PDE1A: variants seen among roughly 807,000 people sequenced by gnomAD.
PDE1A encodes phosphodiesterase 1A, also known as dual specificity calcium/calmodulin-dependent 3',5'-cyclic nucleotide phosphodiesterase 1A.
A neutral mutation model predicts 61.7 loss-of-function variants in PDE1A; 35 were observed. That is an observed-to-expected ratio of 0.57 (90% CI 0.43 to 0.75). The LOEUF (loss-of-function observed/expected upper bound fraction) is 0.75, where lower values mean the gene tolerates loss of function less well. Among genes scored for constraint, PDE1A ranks in the 30% least tolerant of loss-of-function variants. PDE1A has a pLI of 0.00. For synonymous variants in PDE1A, 232 were observed against 213.2 expected (o/e 1.09, Z -0.77); for missense variants, 597 against 630.6 (o/e 0.95, Z 0.57).
chr2:182,641,475 C>G, the PDE1A span, among the ~76,000 whole-genome samples: 3 of 151,928 alleles, frequency 2.0e-5, no homozygotes, highest in Non-Finnish European at 2.9e-5. Context: ...AACATTTTTC[C>G]CAAGAAAGCA....
the PDE1A span, among the ~76,000 whole-genome samples, chr2:182,529,275 T>C: frequency 6.6e-6 from 1 of 152,220 alleles, no homozygotes; most frequent in Non-Finnish European, 1.5e-5. Context: ...ATGTGAGACA[T>C]GGAGTCAAAG....
intron 1 of PDE1A, among the ~76,000 whole-genome samples, chr2:182,385,877 C>T (rs1701037346): frequency 6.7e-6 from 1 of 149,806 alleles, no homozygotes; most frequent in Admixed American, 6.7e-5. Context: ...CTCTCCGTCT[C>T]CCTCTCTCTC....
intron 1 of PDE1A, among the ~76,000 whole-genome samples, chr2:182,334,690 G>A (rs1697662998): frequency 6.6e-6 from 1 of 152,156 alleles, no homozygotes; most frequent in African/African-American, 2.4e-5. Context: ...GCAAAAGCTG[G>A]AAGCGTTCCC....
chr2:182,691,449 A>C, the PDE1A span, among the ~76,000 whole-genome samples: 1 of 152,216 alleles, frequency 6.6e-6, no homozygotes, highest in South Asian at 2.1e-4. Context: ...CTAGTTAACA[A>C]ATGGTGCTGG....
chr2:182,698,926 G>A, the PDE1A span, among the ~76,000 whole-genome samples: 801 of 152,280 alleles, frequency 5.3e-3, 7 homozygotes, highest in African/African-American at 0.018. Flanking sequence ...TAAGAACACA[G>A]TGCATTTGGC....
chr2:182,502,025 C>T (rs569190375), intron 2 of PDE1A, among the ~76,000 whole-genome samples: 1 of 152,186 alleles, frequency 6.6e-6, no homozygotes. Flanking sequence ...TACGACACCG[C>T]TGGCAGGCCC....
At chr2:182,671,531 C>T in the PDE1A span, among the ~76,000 whole-genome samples, 2 of 151,010 alleles carry the variant, frequency 1.3e-5, no homozygotes, top group Admixed American at 6.6e-5. Flanking sequence ...TACACAAACC[C>T]CATTTTTCCT....
At position 182,181,244 on chromosome 2, in the gene PDE1A, G is replaced by A. The variant is rs559555964; in HGVS notation, c.1516+4648C>T. Among the ~76,000 whole-genome samples, 36 of 152,248 alleles carry A rather than the reference G, an allele frequency of 2.4e-4. No homozygotes were observed. The East Asian group carries it at 6.8e-3, about 29-fold the overall frequency. On this transcript the variant is annotated intron_variant, in intron 13 of 13. Coordinates refer to ENST00000351439, the Ensembl canonical transcript of PDE1A. The stretch of plus-strand genomic sequence containing the variant: ...ATGGATTTATCTACCTTTGATCTTT[G>A]AAGCTGATGACCTTTGGATGAGGTT...
chr2:182,522,363 G>T, exon 2 of PDE1A: 1 of 1,613,310 alleles, frequency 6.2e-7, no homozygotes, highest in Non-Finnish European at 8.5e-7. Flanking sequence ...AATCTCTGTG[G>T]CACTAGACCC....
intron 1 of PDE1A, among the ~76,000 whole-genome samples, chr2:182,376,808 A>G (rs1037264728): frequency 2.6e-5 from 4 of 152,220 alleles, no homozygotes; most frequent in Non-Finnish European, 4.4e-5. Flanking sequence ...AAGCCTCAAA[A>G]TCATGACAGA....
intron 1 of PDE1A, among the ~76,000 whole-genome samples, chr2:182,391,215 T>C (rs1701401461): frequency 6.6e-6 from 1 of 152,136 alleles, no homozygotes; most frequent in African/African-American, 2.4e-5. Context: ...GGAGGGCCCA[T>C]ATCCGCATTT....
chr2:182,442,206 G>C (rs1684841445), intron 2 of PDE1A, among the ~76,000 whole-genome samples: 1 of 151,948 alleles, frequency 6.6e-6, no homozygotes, highest in Admixed American at 6.6e-5. Flanking sequence ...ACTCATTTTT[G>C]TAGAAATAAA....
At position 182,396,721 on chromosome 2, in the gene PDE1A, G is replaced by A. The variant is rs146742853; in HGVS notation, c.53+29857C>T. On this transcript the variant is annotated intron_variant, in intron 1 of 13. Coordinates refer to ENST00000351439, the Ensembl canonical transcript of PDE1A. ...TTAGGTTAAGGATTAGTATGCTCCCGGTTGTATGAAGGATAGCTGTATTAT... is the reference window on the plus strand; with the variant it reads ...TTAGGTTAAGGATTAGTATGCTCCCAGTTGTATGAAGGATAGCTGTATTAT... Among the ~76,000 whole-genome samples, 171 of 152,144 alleles carry A rather than the reference G, an allele frequency of 1.1e-3. 1 individual carries two copies. Among genetic ancestry groups the A allele is most frequent in the East Asian group, 7.5e-3 (39 of 5,176 alleles).
At chr2:182,267,787 C>T (rs1185284500) in intron 1 of PDE1A, among the ~76,000 whole-genome samples, 1 of 151,852 alleles carries the variant, frequency 6.6e-6, no homozygotes, top group Middle Eastern at 3.2e-3. Context: ...TACTTTCTTC[C>T]TAGATAATAC....
chr2:182,224,038 C>A (rs1688945584), intron 6 of PDE1A, 74 bp from the exon 7 acceptor site: 1 of 899,410 alleles, frequency 1.1e-6, no homozygotes, highest in South Asian at 1.5e-5. Context: ...AAAGGACTTT[C>A]AGTGCACCCT....
chr2:182,417,659 T>C (rs1326141939), intron 1 of PDE1A, among the ~76,000 whole-genome samples: 1 of 152,210 alleles, frequency 6.6e-6, no homozygotes, highest in Non-Finnish European at 1.5e-5. Context: ...ATATTTCCAA[T>C]TATGATGTTA....
chr2:182,384,197 C>A (rs899093999), intron 1 of PDE1A, among the ~76,000 whole-genome samples: 7 of 152,294 alleles, frequency 4.6e-5, no homozygotes, highest in African/African-American at 1.4e-4. Context: ...TTTACAAATA[C>A]TGAAATGAGT....
chr2:182,642,451 C>T, the PDE1A span, among the ~76,000 whole-genome samples: 28 of 152,234 alleles, frequency 1.8e-4, no homozygotes, highest in African/African-American at 6.3e-4. Context: ...TTAGAGATGT[C>T]ATAAACCTGA....
At chr2:182,451,570 T>G (rs1027165033) in intron 2 of PDE1A, among the ~76,000 whole-genome samples, 2 of 152,062 alleles carry the variant, frequency 1.3e-5, no homozygotes, top group Admixed American at 1.3e-4. Flanking sequence ...AAATGTTAAT[T>G]TTTTTATAAA....
Sources: gnomAD v4.1 joint callset for allele counts (sites outside exome capture counted in the v4.1 genomes callset) on GRCh38, gnomAD v4.1.1 for gene constraint, MANE v1.5 for transcripts, NCBI Gene and HGNC (gene_info 2026-07-23, HGNC 2026-07-21) for gene names.